The following TAOK3 variants were observed in gnomAD, a reference collection of about 807,000 sequenced individuals.
TAOK3 encodes TAO kinase 3.
In TAOK3, 40 loss-of-function variants were observed where a neutral mutation model predicts 120.4. The ratio of observed to expected loss-of-function variants is 0.33; its 90% CI spans 0.26 to 0.43. The LOEUF is 0.43. TAOK3 is among the 20% of genes least tolerant of loss of function. The probability of loss-of-function intolerance (pLI) is 1.00; values close to 1 mark genes in which losing one functional copy is unlikely to be tolerated. For missense variants in TAOK3, 821 were observed against 1,112.1 expected (o/e 0.74, Z 3.72); for synonymous variants, 355 against 387.5 (o/e 0.92, Z 0.99).
In TAOK3 at chr12:118,372,872, G is replaced by A; in HGVS notation, c.-418C>T. 6.5e-6 allele frequency: 1 copy of A among 153,634 alleles called. No homozygotes were observed. Among genetic ancestry groups the A allele is most frequent in the Non-Finnish European group, 1.4e-5 (1 of 69,136 alleles). 9.5% of individuals were successfully genotyped at this position (153,634 alleles called of 1,614,324 possible). A position where few individuals can be genotyped will look rare whatever the true frequency, so the allele number is the denominator to read the frequency against. On this transcript the variant is annotated 5_prime_UTR_variant, in exon 1 of 21. Transcript: ENST00000392533. The surrounding 1 kb of genome is among the most constrained non-coding windows in gnomAD (Gnocchi z 4.6). Reference sequence around the variant, plus strand: ...CCGGCGCCACAAGGACCCTCCCGCGGCCGCCGCCGCTGCTGCTGTCCGAGG... The same window carrying A: ...CCGGCGCCACAAGGACCCTCCCGCGACCGCCGCCGCTGCTGCTGTCCGAGG...
intron 9 of TAOK3, among the ~76,000 whole-genome samples, chr12:118,215,875 C>T (rs73222056): frequency 0.13 from 19,224 of 151,752 alleles, 1,258 homozygotes; most frequent in East Asian, 0.23. Context: ...TGTGCCACCA[C>T]GCTGGACTAA....
At chr12:118,206,111 C>T (rs1346528387) in intron 11 of TAOK3, among the ~76,000 whole-genome samples, 1 of 152,080 alleles carries the variant, frequency 6.6e-6, no homozygotes, top group Non-Finnish European at 1.5e-5. Flanking sequence ...GGTGTTTTAC[C>T]CTTTGTTCTC....
intron 1 of TAOK3, among the ~76,000 whole-genome samples, chr12:118,332,229 T>A (rs1433860049): frequency 1.3e-5 from 2 of 152,148 alleles, no homozygotes; most frequent in African/African-American, 2.4e-5. Context: ...AGACAGATAG[T>A]CTTTATGTAT....
At chr12:118,325,608 T>G (rs2043903824) in intron 1 of TAOK3, among the ~76,000 whole-genome samples, 1 of 152,192 alleles carries the variant, frequency 6.6e-6, no homozygotes, top group African/African-American at 2.4e-5. Context: ...CCTTATACAT[T>G]CTGGGTATTA....
intron 13 of TAOK3, among the ~76,000 whole-genome samples, chr12:118,191,138 A>C (rs2037410887): frequency 6.6e-6 from 1 of 152,194 alleles, no homozygotes; most frequent in African/African-American, 2.4e-5. Flanking sequence ...GAAAATACAA[A>C]ATTTTATTAT....
intron 1 of TAOK3, among the ~76,000 whole-genome samples, chr12:118,291,957 G>A (rs1463508014): frequency 6.6e-6 from 1 of 152,124 alleles, no homozygotes; most frequent in African/African-American, 2.4e-5. Flanking sequence ...GGGACTACAG[G>A]TGCGTGCCAA....
intron 5 of TAOK3, 151 bp downstream of exon 5, chr12:118,243,264 C>T (rs200636411): frequency 7.3e-6 from 4 of 551,128 alleles, no homozygotes; most frequent in Non-Finnish European, 1.3e-5. Flanking sequence ...CCAAGTGACA[C>T]ACCAAAGTAT....
At chr12:118,340,616 A>C (rs979207073) in intron 1 of TAOK3, among the ~76,000 whole-genome samples, 1 of 152,192 alleles carries the variant, frequency 6.6e-6, no homozygotes, top group Non-Finnish European at 1.5e-5. Context: ...TAAATAAAAA[A>C]GTAACAGAAG....
At chr12:118,178,937 A>T (rs1476464720) in intron 15 of TAOK3, among the ~76,000 whole-genome samples, 3 of 152,204 alleles carry the variant, frequency 2.0e-5, no homozygotes, top group African/African-American at 7.2e-5. Flanking sequence ...TGGGAGATAG[A>T]GGGGGAATTA....
chr12:118,340,130 C>G (rs1031994596), intron 1 of TAOK3, among the ~76,000 whole-genome samples: 15 of 152,092 alleles, frequency 9.9e-5, no homozygotes. Context: ...AAACCATATG[C>G]CTGAAATATG....
intron 2 of TAOK3, chr12:118,261,439 A>T (rs2041224100): frequency 6.6e-6 from 1 of 152,228 alleles, no homozygotes; most frequent in Non-Finnish European, 1.5e-5. Context: ...CCAGAGAAAA[A>T]AAGCATGTTA....
At chr12:118,308,885 G>A (rs1367492241) in intron 1 of TAOK3, among the ~76,000 whole-genome samples, 2 of 116,504 alleles carry the variant, frequency 1.7e-5, no homozygotes, top group African/African-American at 3.3e-5. Context: ...ACCTGAGATC[G>A]CACCACTGCA....
chr12:118,151,036 A>G lies in TAOK3; in HGVS notation c.2658T>C (p.Asn886=), dbSNP rs771158165. 5.0e-6 allele frequency: 8 copies of G among 1,612,676 alleles called. No individual in the cohort carries two copies. The East Asian group carries it at 1.6e-4, about 31-fold the overall frequency. ...DMESLRMGFG[N]LVTLDFPKED... ...CCTTAGGAAAATCTAATGTAACCAA[A>G]TTCCCAAATCCCATTCTGAGGCTCT... The change falls in exon 21 of 21, where the codon AAT becomes AAC. Residue 886 remains asparagine (N), a synonymous_variant. Transcript: ENST00000392533.
chr12:118,190,082 C>T (rs1648411732), intron 13 of TAOK3, 141 bp from the exon 14 acceptor site: 2 of 1,058,676 alleles, frequency 1.9e-6, no homozygotes, highest in African/African-American at 1.6e-5. Flanking sequence ...GCAGCTCCCA[C>T]GGTACAAAAT....
At chr12:118,232,407 T>TCAAATA (rs2039824066) in intron 9 of TAOK3, among the ~76,000 whole-genome samples, 1 of 152,100 alleles carries the variant, frequency 6.6e-6, no homozygotes, top group Admixed American at 6.6e-5. Flanking sequence ...AGTTTTAGAG[T>TCAAATA]CAGATCCCTG....
chr12:118,288,701 A>C (rs1036833109), intron 1 of TAOK3, among the ~76,000 whole-genome samples: 11 of 151,796 alleles, frequency 7.2e-5, no homozygotes, highest in African/African-American at 2.7e-4. Flanking sequence ...GGATTTCCTG[A>C]GCTCAGGCAT....
In TAOK3 at chr12:118,201,278, A is replaced by C. The variant is rs752265577; in HGVS notation, c.987+18T>G. ...AGTGGGCATTCTATAAGTGCCTGCT[A>C]AAATAAATTGAACCTACTTCCTCAT... On this transcript the variant is annotated intron_variant, in intron 12 of 20. Transcript: ENST00000392533. The C allele has an allele frequency of 6.2e-7, 1 of 1,606,652 alleles. No individual in the cohort carries two copies. Among genetic ancestry groups the C allele is most frequent in the South Asian group, 1.1e-5 (1 of 90,226 alleles).
Position 118,160,179 on chromosome 12 carries a change from T to G in TAOK3, c.2319A>C (p.Glu773Asp). The G allele has an allele frequency of 1.2e-6, 2 of 1,614,248 alleles. No homozygotes were observed. Among genetic ancestry groups the G allele is most frequent in the Non-Finnish European group, 1.7e-6 (2 of 1,180,040 alleles). ...RKLAILAEQY[E>D]QSINEMMASQ... ...AGGCCATCATTTCATTTATACTCTG[T>G]TCATACTGCTCTGCCAAAATGGCAA... Residue 773 changes from glutamate to aspartate, a missense_variant, in exon 19 of 21, where the codon GAA becomes GAC. Around this residue, in one of 2 missense-constraint regions of TAOK3, gnomAD observed 354 missense variants for 572.1 expected, o/e 0.62. Coordinates refer to ENST00000392533, the MANE Select transcript of TAOK3 (RefSeq NM_016281.4). This position sits in a 1 kb window ranked among gnomAD's most constrained non-coding sequence, Gnocchi z 4.2.
intron 14 of TAOK3, among the ~76,000 whole-genome samples, chr12:118,188,017 G>A (rs1190768640): frequency 6.6e-6 from 1 of 152,136 alleles, no homozygotes; most frequent in Non-Finnish European, 1.5e-5. Flanking sequence ...ATTCTGGCAT[G>A]GCTGTAGTAA....
Sources: gnomAD v4.1 joint callset for allele counts (sites outside exome capture counted in the v4.1 genomes callset) on GRCh38, gnomAD v4.1.1 for gene constraint, gnomAD v4.1.1 regional missense constraint, Gnocchi (gnomAD v3.1) non-coding constraint, MANE v1.5 for transcripts, NCBI Gene and HGNC (gene_info 2026-07-23, HGNC 2026-07-21) for gene names.